SVEP1: variants seen among roughly 807,000 people sequenced by gnomAD.
SVEP1 encodes the protein sushi, von Willebrand factor type A, EGF and pentraxin domain-containing protein 1.
Under a neutral mutation model 367.3 loss-of-function variants are expected in SVEP1, and 164 were observed. The ratio of observed to expected loss-of-function variants is 0.45; its 90% CI spans 0.39 to 0.51. The LOEUF is 0.51. SVEP1 is among the 20% of genes least tolerant of loss of function. The probability of loss-of-function intolerance (pLI) is 0.00; values close to 1 mark genes in which losing one functional copy is unlikely to be tolerated. For synonymous variants in SVEP1, 1,666 were observed against 1,611.6 expected (o/e 1.03, Z -0.81); for missense variants, 4,117 against 4,425.3 (o/e 0.93, Z 1.98).
At chr9:110,484,104 A>G (rs1829240732) in intron 9 of SVEP1, among the ~76,000 whole-genome samples, 1 of 152,182 alleles carries the variant, frequency 6.6e-6, no homozygotes, top group African/African-American at 2.4e-5. Flanking sequence ...TCTTATCTGA[A>G]GAGTCAAGAC....
At chr9:110,472,023 G>C in intron 15 of SVEP1, 136 bp downstream of exon 15, 2 of 940,096 alleles carry the variant, frequency 2.1e-6, no homozygotes, top group South Asian at 3.4e-5. Flanking sequence ...ACAAGGCTTA[G>C]TTAACTGTGC....
chr9:110,469,158 G>C, intron 16 of SVEP1, 57 bp from the exon 17 acceptor site: 1 of 1,503,358 alleles, frequency 6.7e-7, no homozygotes, highest in Non-Finnish European at 8.9e-7. Context: ...AACACACTGG[G>C]CTTTTTTTTC....
In SVEP1 at chr9:110,366,520, C is replaced by G; in HGVS notation, c.*19G>C. 1.3e-6 allele frequency: 2 copies of G among 1,548,892 alleles called. No homozygotes were observed. Among genetic ancestry groups the G allele is most frequent in the Non-Finnish European group, 1.7e-6 (2 of 1,150,094 alleles). On this transcript the variant is annotated 3_prime_UTR_variant, in exon 48 of 48. Transcript: ENST00000374469. ...AGAGATGATCCTGCTTTTGGGAGAG[C>G]CAGATGGTCGTGCAGTGGTTAAAAC...
intron 3 of SVEP1, among the ~76,000 whole-genome samples, chr9:110,539,435 A>T (rs796234590): frequency 4.6e-5 from 7 of 152,232 alleles, no homozygotes; most frequent in African/African-American, 1.7e-4. Flanking sequence ...ATTCGAAAAC[A>T]TTAAACAGAG....
chr9:110,416,593 T>G (rs1018744685), intron 36 of SVEP1, among the ~76,000 whole-genome samples: 3 of 151,714 alleles, frequency 2.0e-5, no homozygotes, highest in Admixed American at 6.6e-5. Context: ...CAGAAAATAT[T>G]TGCAGTGAAA....
chr9:110,498,390 C>T (rs1021153435), intron 7 of SVEP1, among the ~76,000 whole-genome samples: 3 of 152,124 alleles, frequency 2.0e-5, no homozygotes, highest in Non-Finnish European at 4.4e-5. Flanking sequence ...GGGGTTTTTC[C>T]TTCTGCCACT....
chr9:110,506,794 GA>G (rs1265627030), intron 5 of SVEP1, among the ~76,000 whole-genome samples: 1 of 152,188 alleles, frequency 6.6e-6, no homozygotes, highest in Non-Finnish European at 1.5e-5. Context: ...GTGAAGAAGG[GA>G]GGGGAGAAGA....
intron 3 of SVEP1, among the ~76,000 whole-genome samples, chr9:110,528,156 G>GTGTGTGTGTATGTATA: frequency 2.9e-5 from 1 of 33,940 alleles, no homozygotes; most frequent in Non-Finnish European, 5.7e-5. Context: ...GTGTGTGTGT[G>GTGTGTGTGTATGTATA]TATATATATA....
Position 110,379,395 on chromosome 9 carries a change from T to C in SVEP1, c.10360A>G (p.Ser3454Gly), listed in dbSNP as rs1827401096. 6.2e-7 allele frequency: 1 copy of C among 1,613,780 alleles called. No homozygotes were observed. The highest frequency in any genetic ancestry group is 8.5e-7 in the Non-Finnish European group (1 of 1,179,780). Residue 3454 changes from serine (S) to glycine (G), a missense_variant, in exon 44 of 48, where the codon AGT (serine) becomes GGT (glycine). Physicochemically the swap from Ser to Gly is moderately conservative, Grantham distance 56. Coordinates refer to ENST00000374469, the MANE Select transcript of SVEP1 (RefSeq NM_153366.4). ...SGYMLEGFLR[S>G]VCLENGTWTS... The stretch of plus-strand genomic sequence containing the variant: ...CATGTTCCATTTTCTAAACAAACAC[T>C]CCTCAGGAAACCCTCCAACATGTAT...
intron 1 of SVEP1, among the ~76,000 whole-genome samples, chr9:110,574,743 CTT>C (rs1163833465): frequency 1.3e-4 from 11 of 84,754 alleles, no homozygotes; most frequent in East Asian, 4.3e-4. Context: ...AGTCGACCTT[CTT>C]TTTTTTTTTT....
At chr9:110,509,301 C>A (rs904717606) in intron 5 of SVEP1, among the ~76,000 whole-genome samples, 8 of 152,152 alleles carry the variant, frequency 5.3e-5, no homozygotes, top group African/African-American at 1.9e-4. Flanking sequence ...ATATGGTATG[C>A]GTTTCATAGA....
At chr9:110,462,654 G>T (rs1828874967) in intron 18 of SVEP1, among the ~76,000 whole-genome samples, 1 of 151,352 alleles carries the variant, frequency 6.6e-6, no homozygotes, top group South Asian at 2.1e-4. Context: ...CTTGGCCAAA[G>T]AAACTAGTCT....
At chr9:110,478,751 T>C (rs1407512087) in intron 13 of SVEP1, among the ~76,000 whole-genome samples, 1 of 152,218 alleles carries the variant, frequency 6.6e-6, no homozygotes, top group Non-Finnish European at 1.5e-5. Context: ...TTCGTTAATA[T>C]GTTAGGTGTA....
intron 30 of SVEP1, among the ~76,000 whole-genome samples, chr9:110,433,465 CTTTTTTTTT>C (rs11300153): frequency 2.5e-5 from 3 of 120,000 alleles, no homozygotes; most frequent in East Asian, 2.4e-4. Flanking sequence ...TTTTGTATTA[CTTTTTTTTT>C]TTTTTTTTTT....
intron 35 of SVEP1, among the ~76,000 whole-genome samples, chr9:110,428,399 AACACAC>A (rs113743775): frequency 2.8e-4 from 34 of 120,236 alleles, no homozygotes; most frequent in African/African-American, 1.2e-3. Context: ...CCTCTGTTTA[AACACAC>A]ACACACACAC....
At chr9:110,504,678 C>T (rs891395677) in intron 5 of SVEP1, among the ~76,000 whole-genome samples, 7 of 151,780 alleles carry the variant, frequency 4.6e-5, no homozygotes, top group Non-Finnish European at 1.5e-5. Flanking sequence ...ACCAGCTATA[C>T]ACAATTTCTA....
At chr9:110,370,153 C>T in intron 46 of SVEP1, 137 bp from the exon 47 acceptor site, 1 of 735,942 alleles carries the variant, frequency 1.4e-6, no homozygotes, top group Non-Finnish European at 2.2e-6. Context: ...TAGCATTATC[C>T]ATTTCTGCTG....
At chr9:110,456,788 A>G (rs1828782579) in intron 21 of SVEP1, among the ~76,000 whole-genome samples, 1 of 152,238 alleles carries the variant, frequency 6.6e-6, no homozygotes, top group African/African-American at 2.4e-5. Flanking sequence ...TACATAATAA[A>G]GCCCAAAGCC....
At position 110,471,403 on chromosome 9, in the gene SVEP1, A is replaced by C; in HGVS notation, c.2959T>G (p.Phe987Val). The part of the protein sequence containing the change: ...NSLETKKASP[F>V]CRPGSVLRGR... ...CTCAGCACTGAGCCTGGTCTGCAGA[A>C]GGGGGAAGCCTTTTTTGTTTCTAAT... Residue 987 changes from phenylalanine to valine, a missense_variant, in exon 16 of 48, where the codon TTC becomes GTC. Coordinates refer to ENST00000374469, the MANE Select transcript of SVEP1 (RefSeq NM_153366.4). 6.2e-7 allele frequency: 1 copy of C among 1,614,016 alleles called. No homozygotes were observed. Among genetic ancestry groups the C allele is most frequent in the Non-Finnish European group, 8.5e-7 (1 of 1,179,892 alleles).
Sources: gnomAD v4.1 joint callset for allele counts (sites outside exome capture counted in the v4.1 genomes callset) on GRCh38, gnomAD v4.1.1 for gene constraint, MANE v1.5 for transcripts, NCBI Gene and HGNC (gene_info 2026-07-23, HGNC 2026-07-21) for gene names.